MGAT4A: variants seen among roughly 807,000 people sequenced by gnomAD.
MGAT4A encodes alpha-1,3-mannosyl-glycoprotein 4-beta-N-acetylglucosaminyltransferase A.
MGAT4A carries 33 observed loss-of-function variants against 74.1 expected under a neutral mutation model. The observed-to-expected ratio is 0.45, with a 90% CI of 0.34 to 0.60. The LOEUF is 0.60. Among genes scored for constraint, MGAT4A ranks in the 20% least tolerant of loss-of-function variants. The pLI is 0.02. For missense variants in MGAT4A, 479 were observed against 628.3 expected (o/e 0.76, Z 2.54); for synonymous variants, 198 against 210.4 (o/e 0.94, Z 0.51).
intron 2 of MGAT4A, among the ~76,000 whole-genome samples, chr2:98,722,852 C>T (rs1021169349): frequency 1.3e-5 from 2 of 152,080 alleles, no homozygotes; most frequent in African/African-American, 2.4e-5. Flanking sequence ...GACAGGGACC[C>T]GTGACTGCTT....
chr2:98,648,910 C>T (rs1004892153), intron 8 of MGAT4A, among the ~76,000 whole-genome samples: 2 of 96,836 alleles, frequency 2.1e-5, no homozygotes, highest in Non-Finnish European at 3.6e-5. Context: ...GTGGTGCATG[C>T]CTTAGTCCCA....
chr2:98,698,738 T>C (rs1034607824), intron 2 of MGAT4A, among the ~76,000 whole-genome samples: 1 of 152,170 alleles, frequency 6.6e-6, no homozygotes, highest in Non-Finnish European at 1.5e-5. Flanking sequence ...CCACTTACTA[T>C]GAGTTTCATT....
chr2:98,711,302 T>G (rs953914381), intron 2 of MGAT4A, among the ~76,000 whole-genome samples: 6 of 146,304 alleles, frequency 4.1e-5, no homozygotes, highest in Non-Finnish European at 9.0e-5. Context: ...ACAAGTAACC[T>G]AGATTTAAAT....
At chr2:98,678,233 GAAA>G (rs748879200) in intron 3 of MGAT4A, 68 bp downstream of exon 3, 98 of 180,724 alleles carry the variant, frequency 5.4e-4, no homozygotes, top group South Asian at 8.0e-4. Flanking sequence ...CTGTCTCAAA[GAAA>G]AAAAAAAAAA....
At chr2:98,631,992 C>T (rs570238683) in intron 14 of MGAT4A, among the ~76,000 whole-genome samples, 225 of 152,210 alleles carry the variant, frequency 1.5e-3, no homozygotes, top group Middle Eastern at 3.4e-3. Context: ...CGCCTGTAAT[C>T]CCAGGTACTC....
At chr2:98,634,112 G>A (rs769810846) in intron 14 of MGAT4A, among the ~76,000 whole-genome samples, 47 of 152,144 alleles carry the variant, frequency 3.1e-4, no homozygotes, top group Non-Finnish European at 6.2e-4. Context: ...AAAAGAAAAT[G>A]TACAGTTAGT....
chr2:98,692,351 G>A (rs776262143), intron 2 of MGAT4A, among the ~76,000 whole-genome samples: 13 of 152,062 alleles, frequency 8.5e-5, no homozygotes, highest in African/African-American at 1.4e-4. Flanking sequence ...TGATCCTCCC[G>A]CCTCAGCCTC....
intron 2 of MGAT4A, among the ~76,000 whole-genome samples, chr2:98,685,508 A>T (rs938988299): frequency 6.6e-6 from 1 of 152,128 alleles, no homozygotes; most frequent in Non-Finnish European, 1.5e-5. Context: ...AAAATTTCCC[A>T]CTTATAAACC....
At chr2:98,684,522 T>C (rs1702102604) in intron 2 of MGAT4A, among the ~76,000 whole-genome samples, 1 of 152,236 alleles carries the variant, frequency 6.6e-6, no homozygotes. Context: ...GAAACCACTT[T>C]GATTCTTCAA....
rs531205996 is a variant in MGAT4A, at chr2:98,619,708, A to T, written c.*5858T>A. The T allele has an allele frequency of 6.6e-6, 1 of 152,356 alleles. No individual in the cohort carries two copies. The highest frequency in any genetic ancestry group is 1.9e-4 in the East Asian group (1 of 5,192). The allele number at this position is 152,356 out of a possible 1,614,324, so 9.4% of individuals were successfully genotyped here. A position where few individuals can be genotyped will look rare whatever the true frequency, so the allele number is the denominator to read the frequency against. ...CACCAAATTTGAGCAAACACTGAGC[A>T]TTTCAAATAAATAATGGAATGCTAA... On this transcript the variant is annotated 3_prime_UTR_variant, in exon 16 of 16. Transcript: ENST00000393487.
intron 4 of MGAT4A, among the ~76,000 whole-genome samples, chr2:98,669,197 C>A (rs1220466097): frequency 6.6e-6 from 1 of 152,152 alleles, no homozygotes; most frequent in Non-Finnish European, 1.5e-5. Flanking sequence ...TCCCCACCCA[C>A]ATCTCATCTT....
At chr2:98,682,567 C>T (rs1224380046) in intron 2 of MGAT4A, among the ~76,000 whole-genome samples, 1 of 152,090 alleles carries the variant, frequency 6.6e-6, no homozygotes, top group Non-Finnish European at 1.5e-5. Flanking sequence ...AAAATACCTC[C>T]CCACAAAGTA....
At chr2:98,707,279 C>T (rs1370477999) in intron 2 of MGAT4A, among the ~76,000 whole-genome samples, 1 of 152,088 alleles carries the variant, frequency 6.6e-6, no homozygotes, top group African/African-American at 2.4e-5. Flanking sequence ...ATTTAGTATA[C>T]TTTTCTGTAT....
intron 10 of MGAT4A, among the ~76,000 whole-genome samples, chr2:98,642,105 C>T (rs1701419775): frequency 6.6e-6 from 1 of 151,904 alleles, no homozygotes; most frequent in Non-Finnish European, 1.5e-5. Context: ...ATTACTGACA[C>T]TACAATAAAG....
rs1345752823 is a variant in MGAT4A, at chr2:98,698,818, C to T, written c.95-20347G>A. On this transcript the variant is annotated intron_variant, in intron 2 of 15. Transcript: ENST00000393487. ...CTTTACTGGAAAAAATTCCATGCATCCTTCAAAATACTCTTTCATTGTCTT... is the reference window on the plus strand; with the variant it reads ...CTTTACTGGAAAAAATTCCATGCATTCTTCAAAATACTCTTTCATTGTCTT... Among the ~76,000 whole-genome samples, 5 of 152,190 alleles carry T rather than the reference C, an allele frequency of 3.3e-5. No homozygotes were observed. The East Asian group carries it at 9.6e-4, about 29-fold the overall frequency.
At chr2:98,707,655 G>C (rs1702458290) in intron 2 of MGAT4A, among the ~76,000 whole-genome samples, 1 of 152,164 alleles carries the variant, frequency 6.6e-6, no homozygotes, top group African/African-American at 2.4e-5. Flanking sequence ...AGATGAAAGA[G>C]CAAGCTACAA....
intron 8 of MGAT4A, among the ~76,000 whole-genome samples, chr2:98,648,226 T>C (rs929111363): frequency 6.6e-6 from 1 of 152,074 alleles, no homozygotes; most frequent in African/African-American, 2.4e-5. Flanking sequence ...AGGCTGGGTG[T>C]GGTGGCTCAC....
chr2:98,679,131 G>C (rs1204807057), intron 2 of MGAT4A, among the ~76,000 whole-genome samples: 2 of 152,172 alleles, frequency 1.3e-5, no homozygotes, highest in Non-Finnish European at 2.9e-5. Context: ...AGATGGCCGG[G>C]TGCGGTGGCT....
chr2:98,725,914 A>G (rs567742416), intron 2 of MGAT4A: 2 of 393,850 alleles, frequency 5.1e-6, no homozygotes, highest in Non-Finnish European at 9.0e-6. Context: ...TAAACACTTA[A>G]TTATGTTTAG....
Sources: gnomAD v4.1 joint callset for allele counts (sites outside exome capture counted in the v4.1 genomes callset) on GRCh38, gnomAD v4.1.1 for gene constraint, MANE v1.5 for transcripts, NCBI Gene and HGNC (gene_info 2026-07-23, HGNC 2026-07-21) for gene names.